FAM135A: variants seen among roughly 807,000 people sequenced by gnomAD.
FAM135A encodes protein FAM135A.
Under a neutral mutation model 146.8 loss-of-function variants are expected in FAM135A, and 79 were observed. That is an observed-to-expected ratio of 0.54 (90% CI 0.45 to 0.65). FAM135A has a LOEUF of 0.65. Among genes scored for constraint, FAM135A ranks in the 30% least tolerant of loss-of-function variants. FAM135A has a pLI of 0.00. For missense variants in FAM135A, 1,623 were observed against 1,758.2 expected (o/e 0.92, Z 1.38); for synonymous variants, 562 against 603.6 (o/e 0.93, Z 1.01).
intron 2 of FAM135A, among the ~76,000 whole-genome samples, chr6:70,423,863 A>AGGC (rs965447058): frequency 6.6e-6 from 1 of 152,192 alleles, no homozygotes; most frequent in African/African-American, 2.4e-5. Context: ...GCTCACTGAG[A>AGGC]GGCACAGTAC....
intron 4 of FAM135A, among the ~76,000 whole-genome samples, chr6:70,448,535 C>A (rs373948939): frequency 6.6e-6 from 1 of 152,100 alleles, no homozygotes; most frequent in Non-Finnish European, 1.5e-5. Context: ...TTCGAGCCCC[C>A]GTGATGGACG....
chr6:70,443,727 T>C (rs529531478), intron 4 of FAM135A, among the ~76,000 whole-genome samples: 1 of 152,380 alleles, frequency 6.6e-6, no homozygotes, highest in East Asian at 1.9e-4. Context: ...TTTCTTTTTC[T>C]GTAAACTGTT....
intron 4 of FAM135A, among the ~76,000 whole-genome samples, chr6:70,450,660 T>C (rs1332660624): frequency 6.6e-6 from 1 of 150,860 alleles, no homozygotes; most frequent in African/African-American, 2.4e-5. Context: ...GCTGTTTTGA[T>C]TACAATTGCT....
intron 4 of FAM135A, among the ~76,000 whole-genome samples, chr6:70,429,695 A>G (rs1391491058): frequency 6.6e-6 from 1 of 152,164 alleles, no homozygotes; most frequent in East Asian, 1.9e-4. Flanking sequence ...CTAAGTAAGG[A>G]TAAAATTTTA....
chr6:70,460,175 A>G (rs533314165), intron 5 of FAM135A, among the ~76,000 whole-genome samples: 16 of 152,308 alleles, frequency 1.1e-4, no homozygotes, highest in African/African-American at 3.4e-4. Flanking sequence ...CTGTTATGAT[A>G]AAAAGACTAT....
chr6:70,432,792 T>C (rs1303643596), intron 4 of FAM135A, among the ~76,000 whole-genome samples: 1 of 151,818 alleles, frequency 6.6e-6, no homozygotes, highest in Non-Finnish European at 1.5e-5. Flanking sequence ...AGACATCGAC[T>C]TTTTTTTCCT....
chr6:70,451,229 T>A (rs1232854991), intron 4 of FAM135A, among the ~76,000 whole-genome samples: 1 of 152,188 alleles, frequency 6.6e-6, no homozygotes, highest in African/African-American at 2.4e-5. Flanking sequence ...CCAAGGATTG[T>A]GAATGTACGC....
At position 70,525,218 on chromosome 6, in the gene FAM135A, T is replaced by C. The variant is rs375414134; in HGVS notation, c.2134T>C (p.Phe712Leu). The C allele has an allele frequency of 1.1e-5, 17 of 1,598,492 alleles. No homozygotes were observed. In the African/African-American group the frequency reaches 2.3e-4, roughly 22 times the overall value. The stretch of plus-strand genomic sequence containing the variant: ...TAAATCTAAATCTATAGAAATAACA[T>C]TTGAAAAGGAAGCTTTGCAAGAAGC... ...NGKSKSIEIT[F>L]EKEALQEAKC... Residue 712 changes from phenylalanine to leucine, a missense_variant, in exon 15 of 22, where the codon TTT becomes CTT. Physicochemically the swap from Phe to Leu is conservative, Grantham distance 22. This residue lies in a region of FAM135A where 1,061 missense variants were observed against 1,113.8 expected (regional missense o/e 0.95). Coordinates refer to ENST00000418814, the MANE Select transcript of FAM135A (RefSeq NM_001162529.3).
intron 12 of FAM135A, chr6:70,504,135 T>G (rs1183454861): frequency 6.6e-6 from 1 of 152,218 alleles, no homozygotes; most frequent in African/African-American, 2.4e-5. Context: ...CAACTCTTGA[T>G]ACTGGCAAGC....
intron 2 of FAM135A, among the ~76,000 whole-genome samples, chr6:70,420,809 T>C (rs1344717959): frequency 2.0e-5 from 3 of 152,206 alleles, no homozygotes; most frequent in Admixed American, 2.0e-4. Flanking sequence ...GAGATATTTA[T>C]GTTCTTTTTT....
chr6:70,491,245 AT>A (rs1785907274), intron 11 of FAM135A, among the ~76,000 whole-genome samples, 162 bp downstream of exon 11: 1 of 151,982 alleles, frequency 6.6e-6, no homozygotes, highest in African/African-American at 2.4e-5. Flanking sequence ...GTCAAAATTC[AT>A]TTGGCTTCAG....
chr6:70,517,415 CTTTTTTTTTT>C (rs746307665), intron 12 of FAM135A, among the ~76,000 whole-genome samples: 2 of 127,108 alleles, frequency 1.6e-5, no homozygotes, highest in African/African-American at 6.0e-5. Context: ...CGTCTTTTTC[CTTTTTTTTTT>C]TTTTTTTTTT....
At chr6:70,491,422 G>A (rs1785957046) in intron 11 of FAM135A, among the ~76,000 whole-genome samples, 1 of 151,790 alleles carries the variant, frequency 6.6e-6, no homozygotes, top group African/African-American at 2.4e-5. Flanking sequence ...GTTTAAAAAT[G>A]AAAAATTTGT....
intron 4 of FAM135A, among the ~76,000 whole-genome samples, chr6:70,440,696 TTAAA>T (rs1562422841): frequency 6.6e-6 from 1 of 152,126 alleles, no homozygotes; most frequent in Non-Finnish European, 1.5e-5. Context: ...ATATAAAAAA[TTAAA>T]TAATTCTGTA....
intron 4 of FAM135A, among the ~76,000 whole-genome samples, chr6:70,447,239 T>C (rs1339687331): frequency 6.6e-6 from 1 of 152,256 alleles, no homozygotes; most frequent in Non-Finnish European, 1.5e-5. Context: ...CTGCTTTGCC[T>C]TGTTTATTTG....
intron 4 of FAM135A, among the ~76,000 whole-genome samples, chr6:70,431,362 G>T (rs1019056223): frequency 6.6e-6 from 1 of 152,176 alleles, no homozygotes; most frequent in Admixed American, 6.5e-5. Flanking sequence ...ATGGCAGATT[G>T]GCCGGGCACT....
chr6:70,502,722 G>A lies in FAM135A; in HGVS notation c.960G>A (p.Gln320=), dbSNP rs1788852983. 6.2e-7 allele frequency: 1 copy of A among 1,613,218 alleles called. No homozygotes were observed. Among genetic ancestry groups the A allele is most frequent in the East Asian group, 2.2e-5 (1 of 44,762 alleles). ...LCSLLMALWG[Q]FLEVITLHEE... ...CACTTTTGATGGCTTTATGGGGACA[G>A]TTTCTGGAAGTTATAACGCTACACG... The change falls in exon 12 of 22, where the codon CAG becomes CAA. Residue 320 remains glutamine, a synonymous_variant. Transcript: ENST00000418814.
At chr6:70,423,981 CA>C (rs1769460012) in intron 2 of FAM135A, among the ~76,000 whole-genome samples, 1 of 152,140 alleles carries the variant, frequency 6.6e-6, no homozygotes, top group Non-Finnish European at 1.5e-5. Context: ...AACAGGAAAA[CA>C]GTAATAAAAT....
chr6:70,437,694 G>T lies in FAM135A; in HGVS notation c.77+9275G>T, dbSNP rs1419989181. Among the ~76,000 whole-genome samples the T allele has an allele frequency of 2.0e-5, 3 of 152,034 alleles. No individual in the cohort carries two copies. In the South Asian group the frequency reaches 6.2e-4, roughly 32 times the overall value. On this transcript the variant is annotated intron_variant, in intron 4 of 21. Coordinates refer to ENST00000418814, the MANE Select transcript of FAM135A (RefSeq NM_001162529.3). ...TTGTGATATGTTCCAGAGCACGATG[G>T]GAGAGAGTAAAAATTTAGAACTCGG...
Sources: allele counts gnomAD v4.1 joint callset (sites outside exome capture counted in the v4.1 genomes callset), GRCh38; gene constraint gnomAD v4.1.1; regional missense constraint gnomAD v4.1.1; transcripts MANE v1.5; gene names NCBI Gene and HGNC (gene_info 2026-07-23, HGNC 2026-07-21).